The following TMEM175 variants were observed in gnomAD, a reference collection of about 807,000 sequenced individuals.
The protein encoded by TMEM175 is endosomal/lysosomal proton channel TMEM175.
TMEM175 carries 36 observed loss-of-function variants against 36.5 expected under a neutral mutation model. That is an observed-to-expected ratio of 0.99 (90% CI 0.76 to 1.30). The LOEUF (loss-of-function observed/expected upper bound fraction) is 1.30. TMEM175 is among the 50% of genes most tolerant of loss of function. The pLI is 0.00. For synonymous variants in TMEM175, 339 were observed against 313.4 expected (o/e 1.08, Z -0.86); for missense variants, 705 against 692.8 (o/e 1.02, Z -0.20).
rs762396890 is a variant in TMEM175, at chr4:947,793, C to G, written c.54C>G (p.Pro18=). The change falls in exon 2 of 11, where the codon CCC becomes CCG. Residue 18 remains proline, a synonymous_variant. Coordinates refer to ENST00000264771, the MANE Select transcript of TMEM175 (RefSeq NM_032326.4). ...CACTGGATACACCGGGGGACTGCCC[C>G]CCAGGCAGGAGAGACGAGGACGCTG... The part of the protein sequence containing the change: ...EQALDTPGDC[P]PGRRDEDAGE... 5 of 1,613,062 alleles carry G rather than the reference C, an allele frequency of 3.1e-6. No individual in the cohort carries two copies. Among genetic ancestry groups the G allele is most frequent in the Non-Finnish European group, 4.2e-6 (5 of 1,179,972 alleles).
intron 3 of TMEM175, chr4:948,653 T>C: frequency 8.2e-7 from 1 of 1,223,502 alleles, no homozygotes; most frequent in South Asian, 1.5e-5. Context: ...GTTTCCACCT[T>C]GACTGTTTCT....
intron 3 of TMEM175, among the ~76,000 whole-genome samples, chr4:949,199 T>C (rs1209274491): frequency 6.6e-6 from 1 of 152,170 alleles, no homozygotes; most frequent in Non-Finnish European, 1.5e-5. Flanking sequence ...CCACCTGTGA[T>C]GCCCGTGCCA....
At chr4:950,595 C>A in intron 4 of TMEM175, 77 bp downstream of exon 4, 1 of 1,136,570 alleles carries the variant, frequency 8.8e-7, no homozygotes, top group Non-Finnish European at 1.3e-6. Context: ...ACGCACGGGT[C>A]CATGGGGTCG....
At chr4:941,899 A>G (rs1282106952) in intron 1 of TMEM175, among the ~76,000 whole-genome samples, 1 of 151,088 alleles carries the variant, frequency 6.6e-6, no homozygotes, top group East Asian at 2.0e-4. Context: ...ATAAAAAAAG[A>G]AAAAAAAAGA....
intron 10 of TMEM175, among the ~76,000 whole-genome samples, chr4:957,057 G>T (rs1007671390): frequency 6.6e-6 from 1 of 152,198 alleles, no homozygotes; most frequent in Non-Finnish European, 1.5e-5. Flanking sequence ...AGGCAGCAGC[G>T]TGGGGCCGGG....
At chr4:935,184 C>T (rs1726654900) in intron 1 of TMEM175, among the ~76,000 whole-genome samples, 1 of 152,138 alleles carries the variant, frequency 6.6e-6, no homozygotes, top group Admixed American at 6.6e-5. Flanking sequence ...ACTTTGGAAA[C>T]CAGAGTCAGA....
At chr4:946,992 CGA>C (rs1416188900) in intron 1 of TMEM175, among the ~76,000 whole-genome samples, 1 of 131,508 alleles carries the variant, frequency 7.6e-6, no homozygotes, top group East Asian at 2.4e-4. Context: ...GCACAGGCGC[CGA>C]GACCGAGGGA....
intron 1 of TMEM175, among the ~76,000 whole-genome samples, chr4:942,963 T>C (rs1442661857): frequency 6.6e-6 from 1 of 152,014 alleles, no homozygotes; most frequent in African/African-American, 2.4e-5. Flanking sequence ...TCTGTTCTCC[T>C]AAAGACTGGT....
intron 1 of TMEM175, among the ~76,000 whole-genome samples, chr4:947,325 G>GA (rs1389509363): frequency 1.3e-5 from 2 of 151,928 alleles, no homozygotes; most frequent in African/African-American, 4.8e-5. Context: ...GTAGAGAACA[G>GA]ACAGCCCCAG....
intron 2 of TMEM175, 68 bp downstream of exon 2, chr4:947,960 C>T (rs913915123): frequency 6.2e-7 from 1 of 1,611,060 alleles, no homozygotes; most frequent in African/African-American, 1.3e-5. Flanking sequence ...CAGCCCACCT[C>T]AGACCTGTCT....
chr4:950,992 G>A (rs189443271), intron 4 of TMEM175, among the ~76,000 whole-genome samples: 21 of 151,834 alleles, frequency 1.4e-4, no homozygotes, highest in Admixed American at 4.6e-4. Context: ...TGGGCGGTGC[G>A]GATGGTGCAG....
rs1020939460 is a variant in TMEM175 at position 953,124 on chromosome 4, G to A, written c.463-66G>A. 8 of 1,504,984 alleles carry A rather than the reference G, an allele frequency of 5.3e-6. No individual in the cohort carries two copies. In the African/African-American group the frequency reaches 6.9e-5, roughly 13 times the overall value. The allele number at this position is 1,504,984 out of a possible 1,614,324, so 93.2% of individuals were successfully genotyped here. On this transcript the variant is annotated intron_variant, in intron 7 of 10. Transcript: ENST00000264771. ...GCGTGCGTGTGCCATGCAGCCCGGG[G>A]GTTGACTGCTGTGGGGGCCCCCTCT...
intron 10 of TMEM175, 86 bp from the exon 11 acceptor site, chr4:957,738 C>T: frequency 7.4e-7 from 1 of 1,354,760 alleles, no homozygotes; most frequent in Non-Finnish European, 1.0e-6. Context: ...CAGATCCAGG[C>T]AGCCCTGACA....
At chr4:950,373 G>A in intron 3 of TMEM175, 48 bp from the exon 4 acceptor site, 3 of 1,459,336 alleles carry the variant, frequency 2.1e-6, no homozygotes, top group Non-Finnish European at 2.9e-6. Flanking sequence ...TGCCATTCAG[G>A]GACACTCATG....
At chr4:936,397 C>A (rs76921460) in intron 1 of TMEM175, among the ~76,000 whole-genome samples, 1 of 150,930 alleles carries the variant, frequency 6.6e-6, no homozygotes, top group Non-Finnish European at 1.5e-5. Context: ...GAGTGGAATT[C>A]AAAAAAATAG....
intron 1 of TMEM175, among the ~76,000 whole-genome samples, chr4:944,259 A>G (rs994237163): frequency 6.6e-6 from 1 of 152,186 alleles, no homozygotes; most frequent in Admixed American, 6.5e-5. Context: ...TGCCACTGCA[A>G]TCCAGCCTGG....
At chr4:943,712 C>A (rs1727796454) in intron 1 of TMEM175, among the ~76,000 whole-genome samples, 1 of 152,186 alleles carries the variant, frequency 6.6e-6, no homozygotes, top group African/African-American at 2.4e-5. Context: ...CCCAGCAAAA[C>A]CACTCAAAGG....
At chr4:957,679 C>A (rs1560502403) in intron 10 of TMEM175, 145 bp from the exon 11 acceptor site, 1 of 765,526 alleles carries the variant, frequency 1.3e-6, no homozygotes, top group East Asian at 2.5e-5. Flanking sequence ...ATACGGCGTT[C>A]TGAAATTTAG....
chr4:948,167 G>A lies in TMEM175; in HGVS notation c.192+13G>A, dbSNP rs372726780. 13 of 1,614,014 alleles carry A rather than the reference G, an allele frequency of 8.1e-6. No homozygotes were observed. Among genetic ancestry groups the A allele is most frequent in the African/African-American group, 4.0e-5 (3 of 74,946 alleles). ...CTCCCCAGAACAGGTAACGGGGCAG[G>A]CTGTGCTCTGCGTGGTGTGGCCCTG... is the stretch of plus-strand genomic sequence containing the variant. On this transcript the variant is annotated intron_variant, in intron 3 of 10. Transcript: ENST00000264771.
Sources: gnomAD v4.1 joint callset for allele counts (sites outside exome capture counted in the v4.1 genomes callset) on GRCh38, gnomAD v4.1.1 for gene constraint, MANE v1.5 for transcripts, NCBI Gene and HGNC (gene_info 2026-07-23, HGNC 2026-07-21) for gene names.